ACYP2: variants seen among roughly 807,000 people sequenced by gnomAD.
The protein encoded by ACYP2 is acylphosphatase-2.
A neutral mutation model predicts 11.2 loss-of-function variants in ACYP2; 12 were observed. The ratio of observed to expected loss-of-function variants is 1.08; its 90% CI spans 0.69 to 1.74. The LOEUF (loss-of-function observed/expected upper bound fraction) is 1.74. ACYP2 is among the 40% of genes most tolerant of loss of function. The pLI is 0.00. For missense variants in ACYP2, 134 were observed against 101.9 expected, an observed-to-expected ratio of 1.31 and a Z score of -1.35; for synonymous variants, 43 against 32.2, an observed-to-expected ratio of 1.33 and a Z score of -1.13.
chr2:54,151,557 C>T (rs1043001337), intron 6 of ACYP2, among the ~76,000 whole-genome samples: 1 of 152,060 alleles, frequency 6.6e-6, no homozygotes, highest in African/African-American at 2.4e-5. Context: ...ACAAAATTCA[C>T]TGAGGAGCTG....
At chr2:53,975,020 G>A (rs1474174539) in intron 2 of ACYP2, among the ~76,000 whole-genome samples, 3 of 151,902 alleles carry the variant, frequency 2.0e-5, no homozygotes, top group Non-Finnish European at 4.4e-5. Flanking sequence ...TTAAGATTTC[G>A]AAGAGACCAG....
In ACYP2 at chr2:54,038,232, G is replaced by A. The variant is rs558820830; in HGVS notation, c.63-12726G>A. Among the ~76,000 whole-genome samples, 13 of 152,216 alleles carry A rather than the reference G, an allele frequency of 8.5e-5. No homozygotes were observed. In the South Asian group the frequency reaches 2.5e-3, roughly 29 times the overall value. On this transcript the variant is annotated intron_variant, in intron 2 of 6. Coordinates refer to ENST00000607452, the MANE Select transcript of ACYP2 (RefSeq NM_001320586.2). ...CCTAGGATGCCCTTATTTTTGGCCT[G>A]GTAGACACCTCCTCATTCTCCAAGA... is the stretch of plus-strand genomic sequence containing the variant.
At position 53,995,079 on chromosome 2, in the gene ACYP2, A is replaced by G. The variant is rs111596969; in HGVS notation, c.62+21269A>G. 7.3e-3 allele frequency among the ~76,000 whole-genome samples: 1,106 copies of G among 152,350 alleles called. 25 individuals carry two copies. Among genetic ancestry groups the G allele is most frequent in the African/African-American group, 0.025 (1,055 of 41,588 alleles). Reference sequence around the variant, plus strand: ...AGAATATTCAAAAGAAATTTTAAGAATCTTTGTTATCTGAAGGTCGTATCT... The same window carrying G: ...AGAATATTCAAAAGAAATTTTAAGAGTCTTTGTTATCTGAAGGTCGTATCT... On this transcript the variant is annotated intron_variant, in intron 2 of 6. Transcript: ENST00000607452.
At chr2:54,211,495 GA>G (rs1277488637) in intron 6 of ACYP2, among the ~76,000 whole-genome samples, 1 of 152,148 alleles carries the variant, frequency 6.6e-6, no homozygotes, top group East Asian at 1.9e-4. Context: ...TTGGTATCCT[GA>G]TCTACCTAGT....
At chr2:53,983,537 C>A (rs1422433480) in intron 2 of ACYP2, among the ~76,000 whole-genome samples, 2 of 151,974 alleles carry the variant, frequency 1.3e-5, no homozygotes, top group African/African-American at 4.8e-5. Flanking sequence ...CGAATGGAAG[C>A]TTGAGGTAGA....
At chr2:54,062,836 A>T (rs1676539925) in intron 4 of ACYP2, among the ~76,000 whole-genome samples, 1 of 152,260 alleles carries the variant, frequency 6.6e-6, no homozygotes, top group Non-Finnish European at 1.5e-5. Context: ...CAGTTGAAGC[A>T]CATTTTATTG....
intron 6 of ACYP2, chr2:54,142,437 T>A (rs547103054): frequency 6.6e-6 from 1 of 152,148 alleles, no homozygotes; most frequent in Non-Finnish European, 1.5e-5. Context: ...AGAAGTGACA[T>A]TTTGGCTGGG....
intron 3 of ACYP2, among the ~76,000 whole-genome samples, chr2:54,052,197 A>G (rs1346554436): frequency 2.0e-5 from 3 of 152,154 alleles, no homozygotes; most frequent in Admixed American, 6.5e-5. Flanking sequence ...TCTATAAAGC[A>G]TTTAAGCCCC....
chr2:54,271,197 A>G (rs1433228265), intron 6 of ACYP2, among the ~76,000 whole-genome samples: 1 of 152,178 alleles, frequency 6.6e-6, no homozygotes, highest in Non-Finnish European at 1.5e-5. Flanking sequence ...CTTGTCCGGG[A>G]CTGAAGCCAC....
intron 6 of ACYP2, among the ~76,000 whole-genome samples, chr2:54,272,615 T>G (rs889535025): frequency 2.0e-5 from 3 of 152,256 alleles, no homozygotes; most frequent in Non-Finnish European, 4.4e-5. Context: ...CTTTCCATTG[T>G]ACCAATGATG....
At chr2:54,190,138 C>A (rs1275402780) in intron 6 of ACYP2, among the ~76,000 whole-genome samples, 2 of 152,104 alleles carry the variant, frequency 1.3e-5, no homozygotes. Context: ...TTTGCAAATA[C>A]TTTTTTCCAA....
chr2:54,035,131 C>T (rs920280335), intron 2 of ACYP2, among the ~76,000 whole-genome samples: 1 of 151,618 alleles, frequency 6.6e-6, no homozygotes, highest in Non-Finnish European at 1.5e-5. Flanking sequence ...TCTCTAGGCC[C>T]CAGTTTCTTT....
intron 6 of ACYP2, among the ~76,000 whole-genome samples, chr2:54,288,135 A>G (rs889197327): frequency 9.9e-5 from 15 of 151,972 alleles, no homozygotes; most frequent in Non-Finnish European, 4.4e-5. Context: ...GTTGCCTTCC[A>G]AAATGGAAAC....
chr2:54,075,669 C>G (rs1677299830), intron 4 of ACYP2, among the ~76,000 whole-genome samples: 1 of 151,670 alleles, frequency 6.6e-6, no homozygotes, highest in Admixed American at 6.6e-5. Context: ...AAAAATTAGC[C>G]AGGTGTGGTG....
At chr2:54,281,979 T>G (rs182529380) in intron 6 of ACYP2, among the ~76,000 whole-genome samples, 1 of 152,216 alleles carries the variant, frequency 6.6e-6, no homozygotes, top group East Asian at 1.9e-4. Context: ...TTTTTTCATG[T>G]ATACACTTAC....
chr2:54,147,436 A>T (rs1681946189), intron 6 of ACYP2, among the ~76,000 whole-genome samples: 1 of 152,142 alleles, frequency 6.6e-6, no homozygotes, highest in Admixed American at 6.5e-5. Flanking sequence ...CATGGGGGTA[A>T]GCTGACTTGC....
At chr2:54,184,646 TAAATA>T (rs1683892146) in intron 6 of ACYP2, among the ~76,000 whole-genome samples, 1 of 152,128 alleles carries the variant, frequency 6.6e-6, no homozygotes, top group Non-Finnish European at 1.5e-5. Context: ...ACAAATATGA[TAAATA>T]TAATTAAATA....
chr2:54,231,118 C>T (rs1686217888), intron 6 of ACYP2, among the ~76,000 whole-genome samples: 1 of 152,042 alleles, frequency 6.6e-6, no homozygotes. Context: ...AATGTGGAGC[C>T]ACCGCGCCCG....
chr2:54,034,536 T>C (rs539321790), intron 2 of ACYP2, among the ~76,000 whole-genome samples: 21 of 152,342 alleles, frequency 1.4e-4, no homozygotes, highest in Middle Eastern at 3.4e-3. Flanking sequence ...CACCTGGATG[T>C]GTAGTAGGCT....
Sources: gnomAD v4.1 joint callset for allele counts (sites outside exome capture counted in the v4.1 genomes callset) on GRCh38, gnomAD v4.1.1 for gene constraint, MANE v1.5 for transcripts, NCBI Gene and HGNC (gene_info 2026-07-23, HGNC 2026-07-21) for gene names.